TANC2: variants seen among roughly 807,000 people sequenced by gnomAD.
TANC2 encodes protein TANC2.
A neutral mutation model predicts 210.5 loss-of-function variants in TANC2; 26 were observed. That is an observed-to-expected ratio of 0.12 (90% CI 0.09 to 0.17). TANC2 has a LOEUF of 0.17. TANC2 is among the 10% of genes least tolerant of loss of function. The pLI is 1.00. For missense variants in TANC2, 2,129 were observed against 2,608.9 expected, an observed-to-expected ratio of 0.82 and a Z score of 4.01; for synonymous variants, 931 against 967.1, an observed-to-expected ratio of 0.96 and a Z score of 0.69.
intron 2 of TANC2, among the ~76,000 whole-genome samples, chr17:63,040,218 ATGTT>A (rs2035132097): frequency 6.6e-6 from 1 of 152,196 alleles, no homozygotes; most frequent in African/African-American, 2.4e-5. Context: ...TGAAAGCAAA[ATGTT>A]TGTAAGAACG....
intron 7 of TANC2, among the ~76,000 whole-genome samples, chr17:63,205,531 A>G (rs2041682494): frequency 6.6e-6 from 1 of 152,148 alleles, no homozygotes; most frequent in Non-Finnish European, 1.5e-5. Flanking sequence ...GATATGAACC[A>G]AAAGCACAGG....
At chr17:63,000,375 A>C (rs1446860101) in intron 1 of TANC2, among the ~76,000 whole-genome samples, 1 of 152,184 alleles carries the variant, frequency 6.6e-6, no homozygotes, top group Non-Finnish European at 1.5e-5. Context: ...CTTTTTTTAA[A>C]CAACAGGATA....
At chr17:63,185,607 C>T (rs1489878514) in intron 5 of TANC2, among the ~76,000 whole-genome samples, 1 of 152,074 alleles carries the variant, frequency 6.6e-6, no homozygotes, top group Admixed American at 6.6e-5. Flanking sequence ...TTGATGCTAC[C>T]AGTTTACATT....
intron 4 of TANC2, among the ~76,000 whole-genome samples, chr17:63,110,626 A>G (rs1427825317): frequency 6.8e-6 from 1 of 147,962 alleles, no homozygotes; most frequent in East Asian, 1.9e-4. Context: ...CTGAGGGAAG[A>G]TGGAGGTGTG....
chr17:63,024,909 G>T (rs1023790992), intron 2 of TANC2, among the ~76,000 whole-genome samples: 1 of 152,202 alleles, frequency 6.6e-6, no homozygotes, highest in Non-Finnish European at 1.5e-5. Context: ...TGACTCAGAT[G>T]TAAGAGATTT....
chr17:63,239,766 A>T (rs185539233), intron 8 of TANC2, among the ~76,000 whole-genome samples: 1 of 152,190 alleles, frequency 6.6e-6, no homozygotes, highest in Non-Finnish European at 1.5e-5. Flanking sequence ...TAATTTATAA[A>T]GAAAAGAGGT....
At chr17:63,392,265 C>G (rs2048005282) in intron 17 of TANC2, among the ~76,000 whole-genome samples, 1 of 152,184 alleles carries the variant, frequency 6.6e-6, no homozygotes, top group Non-Finnish European at 1.5e-5. Context: ...GCTGTAGTTT[C>G]ACATTTGTAA....
At chr17:63,316,841 A>G (rs1453955036) in intron 10 of TANC2, among the ~76,000 whole-genome samples, 3 of 152,164 alleles carry the variant, frequency 2.0e-5, no homozygotes, top group East Asian at 1.9e-4. Flanking sequence ...TGTTACCTAT[A>G]TGAACTGGTG....
At chr17:63,015,866 T>C (rs2034084185) in intron 2 of TANC2, among the ~76,000 whole-genome samples, 1 of 152,058 alleles carries the variant, frequency 6.6e-6, no homozygotes, top group Admixed American at 6.5e-5. Flanking sequence ...CCTAACTTTA[T>C]CACCTTAAAT....
chr17:63,375,525 C>T (rs2047397443), intron 14 of TANC2, among the ~76,000 whole-genome samples: 1 of 152,220 alleles, frequency 6.6e-6, no homozygotes, highest in Non-Finnish European at 1.5e-5. Context: ...CATGAATTCT[C>T]ATTAACAGCC....
intron 15 of TANC2, among the ~76,000 whole-genome samples, chr17:63,386,951 C>T (rs1307198047): frequency 6.6e-6 from 1 of 152,096 alleles, no homozygotes; most frequent in Admixed American, 6.5e-5. Flanking sequence ...CTCCCGGGCT[C>T]AAGCGATCCT....
intron 9 of TANC2, among the ~76,000 whole-genome samples, chr17:63,278,526 G>A (rs1309202606): frequency 7.9e-5 from 12 of 152,114 alleles, no homozygotes; most frequent in Non-Finnish European, 1.6e-4. Context: ...TACACTGTTG[G>A]TGGGAATGTA....
intron 4 of TANC2, among the ~76,000 whole-genome samples, chr17:63,121,851 C>A (rs974238136): frequency 6.6e-6 from 1 of 152,016 alleles, no homozygotes; most frequent in African/African-American, 2.4e-5. Flanking sequence ...CCTGTAGTCC[C>A]AGCTACTTGG....
intron 1 of TANC2, among the ~76,000 whole-genome samples, chr17:62,973,692 C>T (rs2031841367): frequency 1.3e-5 from 2 of 152,198 alleles, no homozygotes; most frequent in Non-Finnish European, 1.5e-5. Context: ...AGAAGATTCT[C>T]TGAACTTTAG....
intron 2 of TANC2, among the ~76,000 whole-genome samples, chr17:63,018,138 A>G (rs2034188906): frequency 1.3e-5 from 2 of 152,140 alleles, no homozygotes; most frequent in Admixed American, 1.3e-4. Flanking sequence ...TGAAAAAAAA[A>G]GAGCAGTTAT....
At chr17:63,333,118 G>A (rs955156862) in intron 11 of TANC2, among the ~76,000 whole-genome samples, 1 of 152,146 alleles carries the variant, frequency 6.6e-6, no homozygotes, top group African/African-American at 2.4e-5. Flanking sequence ...GAGTAATTTT[G>A]ACTTTTAAGT....
At position 63,388,630 on chromosome 17, in the gene TANC2, T is replaced by C; in HGVS notation, c.2692-5T>C. On this transcript the variant is annotated splice_region_variant and splice_polypyrimidine_tract_variant and intron_variant, in intron 15 of 27. Transcript: ENST00000689528. ...CTAATTTAATTGTCTGTATTTCTTATTCAGGGTTTGAGTAAAAAAGTTGGT... is the reference window on the plus strand; with the variant it reads ...CTAATTTAATTGTCTGTATTTCTTACTCAGGGTTTGAGTAAAAAAGTTGGT... The C allele has an allele frequency of 1.2e-6, 2 of 1,600,514 alleles. No individual in the cohort carries two copies. Among genetic ancestry groups the C allele is most frequent in the Non-Finnish European group, 1.7e-6 (2 of 1,173,376 alleles).
intron 10 of TANC2, among the ~76,000 whole-genome samples, chr17:63,318,180 C>G (rs1387273368): frequency 6.6e-6 from 1 of 152,140 alleles, no homozygotes; most frequent in Non-Finnish European, 1.5e-5. Context: ...TCACTATTGG[C>G]CATCAAATAA....
At chr17:63,260,375 T>C (rs919721439) in intron 8 of TANC2, among the ~76,000 whole-genome samples, 1 of 152,260 alleles carries the variant, frequency 6.6e-6, no homozygotes, top group Non-Finnish European at 1.5e-5. Context: ...AATGATACTG[T>C]ATTTACATGA....
Sources: allele counts gnomAD v4.1 joint callset (sites outside exome capture counted in the v4.1 genomes callset), GRCh38; gene constraint gnomAD v4.1.1; transcripts MANE v1.5; gene names NCBI Gene and HGNC (gene_info 2026-07-23, HGNC 2026-07-21).